SYT1: variants seen among roughly 807,000 people sequenced by gnomAD.
The protein encoded by SYT1 is synaptotagmin 1, also known as synaptotagmin-1.
A neutral mutation model predicts 44.8 loss-of-function variants in SYT1; 8 were observed. The ratio of observed to expected loss-of-function variants is 0.18; its 90% CI spans 0.10 to 0.32. The LOEUF (loss-of-function observed/expected upper bound fraction) is 0.32. Among genes scored for constraint, SYT1 ranks in the 10% least tolerant of loss-of-function variants. The pLI, the probability that SYT1 is intolerant of heterozygous loss-of-function variation, is 1.00. For synonymous variants in SYT1, 154 were observed against 188.8 expected, an observed-to-expected ratio of 0.82 and a Z score of 1.51; for missense variants, 286 against 509.3, an observed-to-expected ratio of 0.56 and a Z score of 4.22.
intron 4 of SYT1, among the ~76,000 whole-genome samples, chr12:79,228,968 T>A (rs944982386): frequency 7.2e-5 from 11 of 152,232 alleles, no homozygotes; most frequent in African/African-American, 2.4e-4. Flanking sequence ...TTCTCCAACC[T>A]TTCAGAGTTC....
At chr12:79,290,882 G>A (rs1029713466) in intron 5 of SYT1, among the ~76,000 whole-genome samples, 2 of 152,024 alleles carry the variant, frequency 1.3e-5, no homozygotes, top group Non-Finnish European at 2.9e-5. Context: ...AATACAAATG[G>A]TTAATGTAAA....
intron 9 of SYT1, among the ~76,000 whole-genome samples, chr12:79,359,572 G>A (rs1458491589): frequency 6.6e-6 from 1 of 152,156 alleles, no homozygotes; most frequent in Non-Finnish European, 1.5e-5. Flanking sequence ...GGAAATGATA[G>A]AGAGGGAACA....
At chr12:78,884,343 C>G (rs566246667) in intron 1 of SYT1, among the ~76,000 whole-genome samples, 6 of 151,610 alleles carry the variant, frequency 4.0e-5, no homozygotes, top group Admixed American at 1.3e-4. Context: ...GTTAATGCAG[C>G]ATTAAGTAAT....
chr12:79,255,577 G>A lies in SYT1; in HGVS notation c.167-30210G>A, dbSNP rs1243111264. Among the ~76,000 whole-genome samples the A allele has an allele frequency of 3.3e-5, 5 of 152,138 alleles. No homozygotes were observed. The East Asian group carries it at 5.8e-4, about 18-fold the overall frequency. On this transcript the variant is annotated intron_variant, in intron 4 of 10. Transcript: ENST00000261205. ...GTCATAATCCATCTCACACATCTGG[G>A]AAAGGAACCTACTATTCTTGAGTAA...
rs1592943814 is a variant in SYT1 at position 79,300,792 on chromosome 12, TATATATATATATA to T, written c.810+1242_810+1254del. 1.2e-4 allele frequency among the ~76,000 whole-genome samples: 9 copies of T among 74,878 alleles called. No individual in the cohort carries two copies. In the East Asian group the frequency reaches 1.7e-3, roughly 14 times the overall value. 49.1% of individuals were successfully genotyped at this position (74,878 alleles called of 152,430 possible). Reference sequence around the variant, plus strand: ...ATATAATATTCATGTATACTTATTATATATATATATATATATATATATATATATATATTTACTG... The same window carrying T: ...ATATAATATTCATGTATACTTATTATTATATATATATATATATATTTACTG... On this transcript the variant is annotated intron_variant, in intron 8 of 10. Coordinates refer to ENST00000261205, the MANE Select transcript of SYT1 (RefSeq NM_005639.3).
chr12:79,037,216 A>C (rs1158369965), intron 2 of SYT1, among the ~76,000 whole-genome samples: 1 of 151,478 alleles, frequency 6.6e-6, no homozygotes, highest in African/African-American at 2.4e-5. Context: ...TCATGCTTTG[A>C]TAGTGCCCTT....
chr12:79,190,952 A>G (rs1873080903), intron 3 of SYT1, among the ~76,000 whole-genome samples: 1 of 152,072 alleles, frequency 6.6e-6, no homozygotes. Flanking sequence ...TGTTTCTTGA[A>G]CTAATTATGC....
chr12:79,352,289 A>G (rs533259923), intron 8 of SYT1, among the ~76,000 whole-genome samples: 1 of 152,150 alleles, frequency 6.6e-6, no homozygotes, highest in South Asian at 2.1e-4. Context: ...GACTTAACAT[A>G]TATGTCAAGT....
intron 8 of SYT1, among the ~76,000 whole-genome samples, chr12:79,305,851 C>T (rs1418694554): frequency 6.6e-6 from 1 of 152,160 alleles, no homozygotes; most frequent in Non-Finnish European, 1.5e-5. Flanking sequence ...TGCCTGCCAC[C>T]ATGCCCAGCT....
chr12:79,274,534 G>A (rs1393798001), intron 4 of SYT1, among the ~76,000 whole-genome samples: 1 of 152,138 alleles, frequency 6.6e-6, no homozygotes, highest in African/African-American at 2.4e-5. Context: ...TTCAACCTCC[G>A]CTGCTTTGCA....
intron 3 of SYT1, among the ~76,000 whole-genome samples, chr12:79,101,674 A>G (rs1878452477): frequency 6.6e-6 from 1 of 152,158 alleles, no homozygotes; most frequent in African/African-American, 2.4e-5. Flanking sequence ...TAATCTTAGC[A>G]CTTTGCAAAG....
chr12:79,390,907 C>T (rs1365363078), intron 9 of SYT1, among the ~76,000 whole-genome samples: 1 of 152,164 alleles, frequency 6.6e-6, no homozygotes, highest in East Asian at 1.9e-4. Context: ...ACCTGACTTG[C>T]TACAGTCTAG....
At chr12:79,037,654 G>T (rs986714796) in intron 2 of SYT1, among the ~76,000 whole-genome samples, 1 of 151,600 alleles carries the variant, frequency 6.6e-6, no homozygotes, top group African/African-American at 2.4e-5. Flanking sequence ...CTAAATATGA[G>T]GTACAATCTT....
intron 9 of SYT1, among the ~76,000 whole-genome samples, chr12:79,375,322 A>C (rs560023967): frequency 2.0e-4 from 31 of 152,182 alleles, no homozygotes; most frequent in Non-Finnish European, 3.8e-4. Flanking sequence ...TGTGCAGGGC[A>C]AAGGGATAGG....
chr12:79,388,531 CTAAAAA>C (rs1397805548), intron 9 of SYT1, among the ~76,000 whole-genome samples: 1 of 151,716 alleles, frequency 6.6e-6, no homozygotes, highest in East Asian at 1.9e-4. Flanking sequence ...CCCATCTCCA[CTAAAAA>C]TAAAAATAAA....
chr12:79,109,032 C>T (rs576168744), intron 3 of SYT1, among the ~76,000 whole-genome samples: 50 of 152,212 alleles, frequency 3.3e-4, no homozygotes, highest in African/African-American at 1.1e-3. Flanking sequence ...GGGCAGGGTT[C>T]AAGGAAAAGA....
chr12:78,903,835 C>A (rs1371981291), intron 1 of SYT1, among the ~76,000 whole-genome samples: 1 of 151,690 alleles, frequency 6.6e-6, no homozygotes, highest in Non-Finnish European at 1.5e-5. Context: ...TATAAATGTG[C>A]CAAGAATTTT....
intron 3 of SYT1, among the ~76,000 whole-genome samples, chr12:79,078,089 A>G (rs529902253): frequency 1.3e-5 from 2 of 152,278 alleles, no homozygotes; most frequent in East Asian, 3.9e-4. Context: ...TAAAATTTCA[A>G]TAAGCTTCAC....
At chr12:79,409,486 C>T (rs1471459526) in intron 9 of SYT1, among the ~76,000 whole-genome samples, 1 of 152,062 alleles carries the variant, frequency 6.6e-6, no homozygotes, top group Non-Finnish European at 1.5e-5. Context: ...TATTACTTCG[C>T]TTTGTTCTGC....
Sources: allele counts gnomAD v4.1 joint callset (sites outside exome capture counted in the v4.1 genomes callset), GRCh38; gene constraint gnomAD v4.1.1; transcripts MANE v1.5; gene names NCBI Gene and HGNC (gene_info 2026-07-23, HGNC 2026-07-21).